The following GRID1 variants were observed in gnomAD, a reference collection of about 807,000 sequenced individuals.
The protein encoded by GRID1 is glutamate ionotropic receptor delta type subunit 1, also known as glutamate receptor ionotropic, delta-1.
Under a neutral mutation model 98.0 loss-of-function variants are expected in GRID1, and 28 were observed. The ratio of observed to expected loss-of-function variants is 0.29; its 90% CI spans 0.21 to 0.39. The LOEUF (loss-of-function observed/expected upper bound fraction) is 0.39. Among genes scored for constraint, GRID1 ranks in the 10% least tolerant of loss-of-function variants. GRID1 has a pLI of 1.00. For synonymous variants in GRID1, 553 were observed against 538.5 expected, an observed-to-expected ratio of 1.03 and a Z score of -0.37; for missense variants, 1,111 against 1,340.5, an observed-to-expected ratio of 0.83 and a Z score of 2.67.
chr10:85,988,555 A>G (rs776386500), intron 4 of GRID1, among the ~76,000 whole-genome samples: 6 of 152,186 alleles, frequency 3.9e-5, no homozygotes, highest in Non-Finnish European at 7.3e-5. Flanking sequence ...GGACTAGGGA[A>G]TGACTTTAAG....
chr10:85,676,388 T>A (rs1262159115), intron 12 of GRID1, among the ~76,000 whole-genome samples: 2 of 152,084 alleles, frequency 1.3e-5, no homozygotes, highest in African/African-American at 2.4e-5. Context: ...GAATCCAGAG[T>A]TCTTGCGGGA....
rs181940815 is a variant in GRID1 at position 86,312,937 on chromosome 10, G to A, written c.235+51004C>T. Among the ~76,000 whole-genome samples the A allele has an allele frequency of 1.5e-3, 234 of 152,338 alleles. 1 individual carries two copies. The highest frequency in any genetic ancestry group is 6.1e-3 in the Admixed American group (94 of 15,304). ...GACAGAGGATCCCAAACTCAGGCAC[G>A]CCTCAAGGATGCCTAGCATCTTGCA... On this transcript the variant is annotated intron_variant, in intron 2 of 15. Coordinates refer to ENST00000327946, the MANE Select transcript of GRID1 (RefSeq NM_017551.3).
At chr10:86,177,010 G>A (rs563753220) in intron 3 of GRID1, among the ~76,000 whole-genome samples, 8 of 152,228 alleles carry the variant, frequency 5.3e-5, no homozygotes, top group African/African-American at 1.9e-4. Flanking sequence ...TTCAGCATCT[G>A]TGAGACAGCC....
At chr10:85,821,954 T>C (rs1175221322) in intron 8 of GRID1, among the ~76,000 whole-genome samples, 1 of 152,156 alleles carries the variant, frequency 6.6e-6, no homozygotes, top group Non-Finnish European at 1.5e-5. Flanking sequence ...CCCTATTTAA[T>C]AAATGGTGCT....
intron 2 of GRID1, among the ~76,000 whole-genome samples, chr10:86,277,613 G>A (rs1366503951): frequency 6.6e-6 from 1 of 152,166 alleles, no homozygotes; most frequent in African/African-American, 2.4e-5. Context: ...GTTGAAGTTG[G>A]TATCAGTTCT....
At chr10:86,041,829 T>C (rs1053791307) in intron 4 of GRID1, among the ~76,000 whole-genome samples, 2 of 152,140 alleles carry the variant, frequency 1.3e-5, no homozygotes, top group Admixed American at 6.5e-5. Context: ...AGCTGCCTGC[T>C]GGAGCCCTGA....
At chr10:85,835,424 C>T (rs751033252) in intron 8 of GRID1, among the ~76,000 whole-genome samples, 3 of 152,198 alleles carry the variant, frequency 2.0e-5, no homozygotes, top group Non-Finnish European at 1.5e-5. Flanking sequence ...TTTCCCCATA[C>T]TGTTCTCATG....
chr10:86,188,833 A>C (rs1845761428), intron 3 of GRID1, among the ~76,000 whole-genome samples: 1 of 152,170 alleles, frequency 6.6e-6, no homozygotes. Flanking sequence ...TGATAGATGA[A>C]GATGCAAAGA....
At chr10:85,895,016 A>AATATATATATATATAT (rs67350023) in intron 5 of GRID1, among the ~76,000 whole-genome samples, 71 of 97,096 alleles carry the variant, frequency 7.3e-4, no homozygotes, top group Non-Finnish European at 1.4e-3. Flanking sequence ...AAAAAAAAAA[A>AATATATATATATATAT]ATATATATAT....
chr10:85,702,018 T>C (rs930035063), intron 12 of GRID1, among the ~76,000 whole-genome samples: 6 of 152,004 alleles, frequency 3.9e-5, no homozygotes, highest in African/African-American at 1.4e-4. Context: ...TATGGAGACA[T>C]AAAGGAAGAT....
chr10:85,986,601 C>A (rs1842611749), intron 4 of GRID1, among the ~76,000 whole-genome samples: 1 of 152,156 alleles, frequency 6.6e-6, no homozygotes, highest in Non-Finnish European at 1.5e-5. Flanking sequence ...AGGGAGTGGT[C>A]TGAGCAGGCA....
At chr10:86,309,067 T>C (rs965229570) in intron 2 of GRID1, among the ~76,000 whole-genome samples, 3 of 152,224 alleles carry the variant, frequency 2.0e-5, no homozygotes, top group Admixed American at 6.5e-5. Flanking sequence ...CTATACTCTA[T>C]GTCAGTAGGA....
At chr10:85,737,689 TA>T (rs200698150) in intron 8 of GRID1, among the ~76,000 whole-genome samples, 8,839 of 75,876 alleles carry the variant, frequency 0.12, 811 homozygotes, top group Middle Eastern at 0.17. Context: ...TATATGGTTA[TA>T]TATATATATA....
intron 12 of GRID1, among the ~76,000 whole-genome samples, chr10:85,666,663 G>A (rs963362445): frequency 1.3e-5 from 2 of 152,210 alleles, no homozygotes; most frequent in African/African-American, 4.8e-5. Flanking sequence ...CTTTGTGACT[G>A]ATTTCGGTTA....
At chr10:86,287,420 G>A (rs1166746419) in intron 2 of GRID1, among the ~76,000 whole-genome samples, 2 of 152,218 alleles carry the variant, frequency 1.3e-5, no homozygotes, top group African/African-American at 4.8e-5. Flanking sequence ...AAAAGCAGCT[G>A]CTGCTATTGT....
chr10:85,817,217 C>A (rs897653781), intron 8 of GRID1, among the ~76,000 whole-genome samples: 1 of 152,088 alleles, frequency 6.6e-6, no homozygotes, highest in African/African-American at 2.4e-5. Flanking sequence ...GGGTATATAT[C>A]CAGTAATGGG....
At chr10:85,734,865 AT>A (rs151169938) in intron 8 of GRID1, among the ~76,000 whole-genome samples, 10,225 of 152,158 alleles carry the variant, frequency 0.067, 413 homozygotes, top group Middle Eastern at 0.14. Flanking sequence ...ATCCAGTGGA[AT>A]TTTTTTTATG....
At chr10:85,975,295 C>T (rs1842458045) in intron 4 of GRID1, among the ~76,000 whole-genome samples, 1 of 152,212 alleles carries the variant, frequency 6.6e-6, no homozygotes, top group Non-Finnish European at 1.5e-5. Flanking sequence ...TTTTGAAATC[C>T]TCCTTGCTGA....
intron 1 of GRID1, 40 bp from the exon 2 acceptor site, chr10:86,364,136 AC>A: frequency 6.3e-7 from 1 of 1,580,562 alleles, no homozygotes; most frequent in Non-Finnish European, 8.7e-7. Context: ...CTGGACAAGA[AC>A]CCTCTCCCCG....
Sources: gnomAD v4.1 joint callset for allele counts (sites outside exome capture counted in the v4.1 genomes callset) on GRCh38, gnomAD v4.1.1 for gene constraint, MANE v1.5 for transcripts, NCBI Gene and HGNC (gene_info 2026-07-23, HGNC 2026-07-21) for gene names.